The following HIVEP3 variants were observed in gnomAD, a reference collection of about 807,000 sequenced individuals.
HIVEP3 encodes the protein transcription factor HIVEP3.
In HIVEP3, 49 loss-of-function variants were observed where a neutral mutation model predicts 152.8. That is an observed-to-expected ratio of 0.32 (90% CI 0.26 to 0.41). The LOEUF (loss-of-function observed/expected upper bound fraction) is 0.41. Among genes scored for constraint, HIVEP3 ranks in the 10% least tolerant of loss-of-function variants. The pLI is 1.00. For synonymous variants in HIVEP3, 1,269 were observed against 1,289.0 expected, an observed-to-expected ratio of 0.98 and a Z score of 0.33; for missense variants, 2,790 against 3,103.3, an observed-to-expected ratio of 0.90 and a Z score of 2.40.
chr1:41,948,765 C>T (rs963660543), intron 1 of HIVEP3, among the ~76,000 whole-genome samples: 18 of 138,126 alleles, frequency 1.3e-4, no homozygotes, highest in South Asian at 4.2e-4. Context: ...CTTCACCAAA[C>T]CTTTCCCTTA....
intron 1 of HIVEP3, among the ~76,000 whole-genome samples, chr1:41,768,486 T>G (rs1346129390): frequency 1.3e-5 from 2 of 152,236 alleles, no homozygotes; most frequent in Non-Finnish European, 2.9e-5. Context: ...TAAGGTAAGC[T>G]TCTTTTGGAG....
At chr1:41,626,978 C>T (rs1264705640) in intron 3 of HIVEP3, among the ~76,000 whole-genome samples, 1 of 152,212 alleles carries the variant, frequency 6.6e-6, no homozygotes, top group African/African-American at 2.4e-5. Context: ...ATGTGCACAA[C>T]AGGGGCAACA....
chr1:41,962,937 C>T (rs1217325441), intron 1 of HIVEP3, among the ~76,000 whole-genome samples: 1 of 152,206 alleles, frequency 6.6e-6, no homozygotes, highest in African/African-American at 2.4e-5. Flanking sequence ...TTAGCAGCCT[C>T]CCTGGCGTCT....
chr1:41,864,686 G>A (rs1370562519), intron 1 of HIVEP3: 1 of 152,292 alleles, frequency 6.6e-6, no homozygotes, highest in African/African-American at 2.4e-5. Flanking sequence ...TGTCTTGCCA[G>A]CAGCTAACCA....
chr1:41,598,202 C>T (rs1168122029), intron 3 of HIVEP3, among the ~76,000 whole-genome samples: 1 of 152,200 alleles, frequency 6.6e-6, no homozygotes, highest in African/African-American at 2.4e-5. Flanking sequence ...CTCTCATCAA[C>T]ACCGCCTAAG....
chr1:41,941,969 GA>G lies in HIVEP3; in HGVS notation n.120-23446del, dbSNP rs1480348417. On this transcript the variant is annotated intron_variant and non_coding_transcript_variant, in intron 1 of 3. Coordinates refer to the HIVEP3 transcript ENST00000489103. The stretch of plus-strand genomic sequence containing the variant: ...AAGTATTTCAGTAGGGGACACAGGA[GA>G]TCTGTCACCTCTAAGTCTGAAAAAA... Among the ~76,000 whole-genome samples, 101 of 152,134 alleles carry G rather than the reference GA, an allele frequency of 6.6e-4. 2 individuals are homozygous for G. Among genetic ancestry groups the G allele is most frequent in the African/African-American group, 2.1e-3 (89 of 41,474 alleles).
intron 5 of HIVEP3, among the ~76,000 whole-genome samples, chr1:41,567,509 A>G (rs1644184455): frequency 6.6e-6 from 1 of 152,218 alleles, no homozygotes; most frequent in Admixed American, 6.5e-5. Context: ...TCAGAGCTGC[A>G]CATCTACATT....
chr1:41,624,283 G>A (rs947294814), intron 3 of HIVEP3, among the ~76,000 whole-genome samples: 7 of 152,208 alleles, frequency 4.6e-5, no homozygotes, highest in Non-Finnish European at 8.8e-5. Context: ...TGTGTTCCAT[G>A]AAAGTGTTTC....
At chr1:41,679,595 C>A (rs1160453788) in intron 2 of HIVEP3, among the ~76,000 whole-genome samples, 1 of 152,156 alleles carries the variant, frequency 6.6e-6, no homozygotes, top group Non-Finnish European at 1.5e-5. Flanking sequence ...AGCTGACCAG[C>A]CTACAAGGTG....
In HIVEP3 at chr1:41,507,894, C is replaced by CCTT. The variant is rs1644399877; in HGVS notation, c.*2554_*2556dup. 1 of 152,270 alleles carries CCTT rather than the reference C, an allele frequency of 6.6e-6. No individual in the cohort carries two copies. 9.4% of individuals were successfully genotyped at this position (152,270 alleles called of 1,614,324 possible). The stretch of plus-strand genomic sequence containing the variant: ...GGCACGGCATCAATGTGGAGGCAGC[C>CCTT]CTTTGGTGAGATTCTATTTGTGCAT... On this transcript the variant is annotated 3_prime_UTR_variant, in exon 9 of 9. Transcript: ENST00000372583.
chr1:41,897,436 A>G (rs1461597934), intron 1 of HIVEP3, among the ~76,000 whole-genome samples: 1 of 152,176 alleles, frequency 6.6e-6, no homozygotes, highest in Admixed American at 6.5e-5. Context: ...CTCATAAAAA[A>G]GGTTGAAGAA....
Position 41,817,386 on chromosome 1 carries a change from A to G in HIVEP3, c.-801+101027T>C, listed in dbSNP as rs896540829. On this transcript the variant is annotated intron_variant, in intron 1 of 8. Transcript: ENST00000372583. ...ATGAAACCTGACACAGCAGGGAAAA[A>G]AGGATGGGGCCGGATGGGGCAGGAC... Among the ~76,000 whole-genome samples the G allele has an allele frequency of 6.6e-5, 10 of 152,268 alleles. 1 individual carries two copies. In the South Asian group the frequency reaches 8.3e-4, roughly 13 times the overall value.
intron 3 of HIVEP3, among the ~76,000 whole-genome samples, chr1:41,621,480 T>C (rs1645046224): frequency 6.6e-6 from 1 of 152,266 alleles, no homozygotes; most frequent in Non-Finnish European, 1.5e-5. Context: ...CTCCCCACCC[T>C]GAGCTCAGCA....
At chr1:41,939,377 A>G (rs2124484372) in intron 1 of HIVEP3, among the ~76,000 whole-genome samples, 1 of 152,308 alleles carries the variant, frequency 6.6e-6, no homozygotes, top group African/African-American at 2.4e-5. Flanking sequence ...TTAGAATTTA[A>G]AGATGTGGTG....
chr1:41,722,437 C>CTTCT (rs1040488639), intron 1 of HIVEP3, among the ~76,000 whole-genome samples: 1 of 149,576 alleles, frequency 6.7e-6, no homozygotes, highest in Admixed American at 6.7e-5. Context: ...TCCTTCCTTC[C>CTTCT]TTCCTTCCTT....
upstream of HIVEP3, among the ~76,000 whole-genome samples, chr1:41,921,746 C>T (rs1644942872): frequency 6.6e-6 from 1 of 152,156 alleles, no homozygotes; most frequent in Non-Finnish European, 1.5e-5. Context: ...TAAGGGACAT[C>T]AGGAACATGG....
At chr1:41,748,489 G>A (rs1342894508) in intron 1 of HIVEP3, among the ~76,000 whole-genome samples, 1 of 152,214 alleles carries the variant, frequency 6.6e-6, no homozygotes, top group African/African-American at 2.4e-5. Flanking sequence ...CAATCAGGGG[G>A]CAGCGCTGTG....
chr1:41,770,181 G>A (rs1648262702), intron 1 of HIVEP3, among the ~76,000 whole-genome samples: 1 of 151,930 alleles, frequency 6.6e-6, no homozygotes, highest in Admixed American at 6.6e-5. Context: ...CACCATGTTA[G>A]CCAGGATGGT....
At chr1:41,610,533 G>C (rs910494298) in intron 3 of HIVEP3, among the ~76,000 whole-genome samples, 1 of 152,176 alleles carries the variant, frequency 6.6e-6, no homozygotes, top group African/African-American at 2.4e-5. Flanking sequence ...AAGGCATCTG[G>C]TAAGACAGGC....
Sources: allele counts gnomAD v4.1 joint callset (sites outside exome capture counted in the v4.1 genomes callset), GRCh38; gene constraint gnomAD v4.1.1; transcripts MANE v1.5; gene names NCBI Gene and HGNC (gene_info 2026-07-23, HGNC 2026-07-21).